KCNC2: variants seen among roughly 807,000 people sequenced by gnomAD.
KCNC2 encodes voltage-gated potassium channel KCNC2.
Under a neutral mutation model 44.5 loss-of-function variants are expected in KCNC2, and 21 were observed. The ratio of observed to expected loss-of-function variants is 0.47; its 90% CI spans 0.33 to 0.68. KCNC2 has a LOEUF of 0.68. Ranked by LOEUF, KCNC2 falls within the 30% of genes least tolerant of loss-of-function variation. The pLI is 0.01. For synonymous variants in KCNC2, 391 were observed against 339.1 expected, an observed-to-expected ratio of 1.15 and a Z score of -1.68; for missense variants, 589 against 826.2, an observed-to-expected ratio of 0.71 and a Z score of 3.52.
intron 2 of KCNC2, among the ~76,000 whole-genome samples, chr12:75,133,977 A>T (rs1299382235): frequency 2.6e-5 from 4 of 152,000 alleles, no homozygotes. Context: ...GGGTAGGAGG[A>T]TATAAGAGCA....
At chr12:75,177,648 C>A (rs1892284873) in intron 2 of KCNC2, among the ~76,000 whole-genome samples, 1 of 151,898 alleles carries the variant, frequency 6.6e-6, no homozygotes, top group Non-Finnish European at 1.5e-5. Flanking sequence ...GTTATTACAT[C>A]CAGATATAAT....
intron 2 of KCNC2, among the ~76,000 whole-genome samples, chr12:75,132,148 T>C (rs1248832966): frequency 2.6e-5 from 4 of 152,046 alleles, no homozygotes; most frequent in African/African-American, 9.7e-5. Context: ...ATAAAAGCAA[T>C]ATACCCCTCA....
intron 2 of KCNC2, among the ~76,000 whole-genome samples, chr12:75,192,844 CA>C (rs2030414521): frequency 6.6e-6 from 1 of 152,030 alleles, no homozygotes; most frequent in Non-Finnish European, 1.5e-5. Context: ...ATCTATCGCA[CA>C]AAATGGTGAC....
chr12:75,187,406 G>C (rs1893025885), intron 2 of KCNC2, among the ~76,000 whole-genome samples: 1 of 152,168 alleles, frequency 6.6e-6, no homozygotes, highest in African/African-American at 2.4e-5. Context: ...CCAAACACTG[G>C]AAAATCAGTC....
chr12:75,111,679 C>G (rs1887258075), intron 2 of KCNC2, among the ~76,000 whole-genome samples: 1 of 151,130 alleles, frequency 6.6e-6, no homozygotes, highest in Non-Finnish European at 1.5e-5. Flanking sequence ...ACATCCGAAG[C>G]CATGCATTAA....
At chr12:75,198,828 C>T (rs536252342) in intron 2 of KCNC2, among the ~76,000 whole-genome samples, 1 of 151,610 alleles carries the variant, frequency 6.6e-6, no homozygotes, top group Admixed American at 6.6e-5. Flanking sequence ...TAATGTCTGG[C>T]CTTCTCATGG....
chr12:75,041,377 T>A lies in KCNC2; in HGVS notation c.*1728A>T. On this transcript the variant is annotated 3_prime_UTR_variant, in exon 5 of 5. Coordinates refer to ENST00000549446, the MANE Select transcript of KCNC2 (RefSeq NM_139137.4). Reference sequence around the variant, plus strand: ...CTGTACAACATCTCCAACATGCAGGTCATGCTCTAGGACTTGGGGATATAG... The same window carrying A: ...CTGTACAACATCTCCAACATGCAGGACATGCTCTAGGACTTGGGGATATAG... 7.0e-7 allele frequency: 1 copy of A among 1,434,024 alleles called. No individual in the cohort carries two copies. Among genetic ancestry groups the A allele is most frequent in the Non-Finnish European group, 9.2e-7 (1 of 1,091,796 alleles). The allele number at this position is 1,434,024 out of a possible 1,614,324, so 88.8% of individuals were successfully genotyped here. A position where few individuals can be genotyped will look rare whatever the true frequency, so the allele number is the denominator to read the frequency against.
chr12:75,066,554 C>T (rs1056973903), intron 2 of KCNC2, among the ~76,000 whole-genome samples: 2 of 152,120 alleles, frequency 1.3e-5, no homozygotes, highest in African/African-American at 4.8e-5. Context: ...TAGCACTTTC[C>T]TACTACTGGG....
chr12:75,053,977 C>T (rs905354489), intron 2 of KCNC2, among the ~76,000 whole-genome samples: 3 of 151,562 alleles, frequency 2.0e-5, no homozygotes, highest in Non-Finnish European at 2.9e-5. Flanking sequence ...AATCCCAGCA[C>T]TTTGGGAGGC....
At chr12:75,111,403 C>T (rs1160972326) in intron 2 of KCNC2, among the ~76,000 whole-genome samples, 2 of 152,104 alleles carry the variant, frequency 1.3e-5, no homozygotes, top group African/African-American at 4.8e-5. Context: ...TCTAAGAGAA[C>T]ATTGGTGGTT....
chr12:75,047,000 A>G (rs564427821), intron 4 of KCNC2, among the ~76,000 whole-genome samples: 7 of 152,040 alleles, frequency 4.6e-5, no homozygotes, highest in Non-Finnish European at 5.9e-5. Flanking sequence ...AATGGTAAAT[A>G]ATTCAATAGG....
In KCNC2 at chr12:75,050,532, C is replaced by T. The variant is rs1262731100; in HGVS notation, c.1473G>A (p.Arg491=). Residue 491 remains arginine, a synonymous_variant, in exon 3 of 5, where the codon AGG becomes AGA. Transcript: ENST00000549446. ...CAGGAGGGATGTGCTTCTTTCTTTTCCTTGGAAGTTTCTGCTTTGCCATTG... is the reference window on the plus strand; with the variant it reads ...CAGGAGGGATGTGCTTCTTTCTTTTTCTTGGAAGTTTCTGCTTTGCCATTG... The part of the protein sequence containing the change: ...SLAMAKQKLP[R]KRKKHIPPAP... 1.9e-6 allele frequency: 3 copies of T among 1,613,546 alleles called. No individual in the cohort carries two copies. The highest frequency in any genetic ancestry group is 2.5e-6 in the Non-Finnish European group (3 of 1,179,808).
chr12:75,127,882 G>A (rs1390212953), intron 2 of KCNC2, among the ~76,000 whole-genome samples: 1 of 152,058 alleles, frequency 6.6e-6, no homozygotes, highest in East Asian at 1.9e-4. Flanking sequence ...TTGCAATATT[G>A]TGGAAAAATC....
chr12:75,113,747 G>T (rs1592900068), intron 2 of KCNC2, among the ~76,000 whole-genome samples: 1 of 152,168 alleles, frequency 6.6e-6, no homozygotes, highest in Non-Finnish European at 1.5e-5. Flanking sequence ...CAGGGGAGTA[G>T]AACCTCTTAT....
chr12:75,090,101 T>TA (rs1489149005), intron 2 of KCNC2, among the ~76,000 whole-genome samples: 1 of 151,740 alleles, frequency 6.6e-6, no homozygotes, highest in Non-Finnish European at 1.5e-5. Context: ...TGCTCCCTTA[T>TA]AAGAAGTTCA....
At chr12:75,098,754 T>C (rs1357315615) in intron 2 of KCNC2, among the ~76,000 whole-genome samples, 1 of 90,902 alleles carries the variant, frequency 1.1e-5, no homozygotes, top group Non-Finnish European at 2.1e-5. Flanking sequence ...TGAGACTCTG[T>C]CTTAAATAAA....
At chr12:75,187,284 G>T (rs1484574061) in intron 2 of KCNC2, among the ~76,000 whole-genome samples, 1 of 152,146 alleles carries the variant, frequency 6.6e-6, no homozygotes, top group East Asian at 1.9e-4. Flanking sequence ...AAGGAATTGT[G>T]TACCGAAGAA....
In KCNC2 at chr12:75,095,747, A is replaced by G. The variant is rs1885867598; in HGVS notation, c.688-44430T>C. Among the ~76,000 whole-genome samples the G allele has an allele frequency of 2.0e-5, 3 of 151,920 alleles. No homozygotes were observed. The South Asian group carries it at 6.2e-4, about 31-fold the overall frequency. On this transcript the variant is annotated intron_variant, in intron 2 of 4. Transcript: ENST00000549446. ...TAATACGCAGGAAAACAATCACCTT[A>G]AAAATACTTGTTGAGTAAATGAATA...
chr12:75,099,966 T>C (rs1182109121), intron 2 of KCNC2, among the ~76,000 whole-genome samples: 1 of 152,060 alleles, frequency 6.6e-6, no homozygotes, highest in Non-Finnish European at 1.5e-5. Context: ...CAAAGATTTT[T>C]ACATTGTTTT....
Sources: gnomAD v4.1 joint callset for allele counts (sites outside exome capture counted in the v4.1 genomes callset) on GRCh38, gnomAD v4.1.1 for gene constraint, MANE v1.5 for transcripts, NCBI Gene and HGNC (gene_info 2026-07-23, HGNC 2026-07-21) for gene names.